Variants in TMEM181 observed in about 807,000 individuals in gnomAD.
The protein encoded by TMEM181 is transmembrane protein 181, also known as G protein-coupled receptor 178.
TMEM181 carries 39 observed loss-of-function variants against 71.9 expected under a neutral mutation model. The ratio of observed to expected loss-of-function variants is 0.54; its 90% confidence interval spans 0.42 to 0.71. The LOEUF (loss-of-function observed/expected upper bound fraction) is 0.71. Ranked by LOEUF, TMEM181 falls within the 30% of genes least tolerant of loss-of-function variation. TMEM181 has a pLI of 0.00. For missense variants in TMEM181, 595 were observed against 583.0 expected (o/e 1.02, Z -0.21); for synonymous variants, 245 against 228.8 (o/e 1.07, Z -0.64).
chr6:158,568,457 G>A (rs556328655), intron 1 of TMEM181, among the ~76,000 whole-genome samples: 1 of 152,118 alleles, frequency 6.6e-6, no homozygotes, highest in African/African-American at 2.4e-5. Flanking sequence ...TAGGACTAGA[G>A]GTTTCAGGAA....
intron 6 of TMEM181, among the ~76,000 whole-genome samples, chr6:158,603,588 GT>G (rs35319740): frequency 0.44 from 60,383 of 135,786 alleles, 12,786 homozygotes; most frequent in Non-Finnish European, 0.51. Flanking sequence ...TTTTTTTCAG[GT>G]TTTTTTTTTT....
intron 1 of TMEM181, among the ~76,000 whole-genome samples, chr6:158,566,164 C>G (rs1782479835): frequency 6.6e-6 from 1 of 152,072 alleles, no homozygotes; most frequent in African/African-American, 2.4e-5. Flanking sequence ...GCCACAGGCA[C>G]AGGACCAGGG....
intron 6 of TMEM181, among the ~76,000 whole-genome samples, chr6:158,592,964 G>C (rs1784188627): frequency 6.6e-6 from 1 of 152,090 alleles, no homozygotes; most frequent in Admixed American, 6.6e-5. Flanking sequence ...TAATATCCAG[G>C]GTTGGCGAAA....
intron 2 of TMEM181, 137 bp downstream of exon 2, chr6:158,573,660 G>A: frequency 1.4e-6 from 1 of 727,462 alleles, no homozygotes; most frequent in Non-Finnish European, 2.3e-6. Flanking sequence ...CCACAGGGTG[G>A]ATGGGGTCCC....
At chr6:158,551,900 T>C (rs1781734582) in intron 1 of TMEM181, among the ~76,000 whole-genome samples, 1 of 152,168 alleles carries the variant, frequency 6.6e-6, no homozygotes, top group Admixed American at 6.5e-5. Flanking sequence ...CAGATACAGT[T>C]TTTATGCTCT....
intron 6 of TMEM181, among the ~76,000 whole-genome samples, chr6:158,602,253 G>A (rs1285041364): frequency 6.6e-6 from 1 of 152,200 alleles, no homozygotes; most frequent in East Asian, 1.9e-4. Flanking sequence ...TGATATTCTA[G>A]TATAAATGTA....
intron 1 of TMEM181, among the ~76,000 whole-genome samples, chr6:158,545,717 G>A (rs560112547): frequency 1.1e-4 from 16 of 151,290 alleles, no homozygotes; most frequent in African/African-American, 3.4e-4. Flanking sequence ...GTCTCACTAC[G>A]TTGCCCAGGT....
chr6:158,561,830 C>G (rs1447541129), intron 1 of TMEM181, among the ~76,000 whole-genome samples: 8 of 152,090 alleles, frequency 5.3e-5, no homozygotes, highest in South Asian at 2.1e-4. Context: ...ATGAGGGTAT[C>G]TGGAAATCAG....
At chr6:158,590,230 G>T (rs898995532) in intron 6 of TMEM181, among the ~76,000 whole-genome samples, 1 of 152,122 alleles carries the variant, frequency 6.6e-6, no homozygotes, top group African/African-American at 2.4e-5. Flanking sequence ...GATGAGGAGT[G>T]GGGGTTTAGA....
Position 158,628,388 on chromosome 6 carries a change from T to G in TMEM181, c.1110-20T>G. 6.2e-7 allele frequency: 1 copy of G among 1,613,548 alleles called. No homozygotes were observed. Among genetic ancestry groups the G allele is most frequent in the Non-Finnish European group, 8.5e-7 (1 of 1,179,520 alleles). On this transcript the variant is annotated intron_variant, in intron 13 of 16. Transcript: ENST00000684151. ...TTCGTGCATGTTTACATATTGTCTC[T>G]GCTCCTCTGTCTTGTTCAGCATCGC...
At chr6:158,559,999 C>T (rs1049639659), upstream of TMEM181, 1 of 972,124 alleles carries the variant, frequency 1.0e-6, no homozygotes, top group African/African-American at 1.8e-5. Flanking sequence ...ACCCCCCTCG[C>T]CGCGCGCCCG....
chr6:158,600,511 C>T (rs1435689670), intron 6 of TMEM181, among the ~76,000 whole-genome samples: 14 of 135,196 alleles, frequency 1.0e-4, no homozygotes, highest in Non-Finnish European at 1.9e-4. Flanking sequence ...GCTCTGTCGC[C>T]CAGGCTAGAG....
At chr6:158,566,685 A>T (rs1368683337) in intron 1 of TMEM181, among the ~76,000 whole-genome samples, 1 of 133,942 alleles carries the variant, frequency 7.5e-6, no homozygotes, top group Non-Finnish European at 1.6e-5. Context: ...GGTGAAGGAG[A>T]TGATGGTGAA....
In TMEM181 at chr6:158,594,127, CAG is replaced by C. The variant is rs1562641718; in HGVS notation, c.492+4348_492+4349del. ...TTTTTTTTTTTTTTTTTTTCTGAGA[CAG>C]AGTCTGTTGCCCAGGCTGGAGTGCA... On this transcript the variant is annotated intron_variant, in intron 6 of 16. Transcript: ENST00000684151. Among the ~76,000 whole-genome samples, 11 of 125,770 alleles carry C rather than the reference CAG, an allele frequency of 8.7e-5. No individual in the cohort carries two copies. The South Asian group carries it at 2.6e-3, about 30-fold the overall frequency. The allele number at this position is 125,770 out of a possible 152,430, so 82.5% of individuals were successfully genotyped here.
intron 6 of TMEM181, among the ~76,000 whole-genome samples, chr6:158,597,800 C>T (rs576895958): frequency 7.9e-5 from 12 of 152,274 alleles, no homozygotes; most frequent in East Asian, 3.9e-4. Context: ...GCCACTGCAC[C>T]GTGCCCCTCT....
chr6:158,629,966 G>A, intron 15 of TMEM181, 147 bp downstream of exon 15: 1 of 711,996 alleles, frequency 1.4e-6, no homozygotes, highest in South Asian at 1.6e-5. Context: ...GAGTTGAAAT[G>A]TCGAGCTCTG....
At position 158,620,524 on chromosome 6, in the gene TMEM181, G is replaced by A. The variant is rs1050446982; in HGVS notation, c.897-3026G>A. ...AGGGAGAGGGAGAGAGAAAGAAGAG[G>A]GAGAAAGAGGGAGCAAGGGTTAGGG... On this transcript the variant is annotated intron_variant, in intron 10 of 16. Transcript: ENST00000684151. This position sits in a 1 kb window ranked among gnomAD's most constrained non-coding sequence, Gnocchi z 4.5. Among the ~76,000 whole-genome samples, 3 of 152,310 alleles carry A rather than the reference G, an allele frequency of 2.0e-5. No individual in the cohort carries two copies. Among genetic ancestry groups the A allele is most frequent in the Admixed American group, 6.5e-5 (1 of 15,300 alleles).
chr6:158,601,938 A>G (rs1474954469), intron 6 of TMEM181, among the ~76,000 whole-genome samples: 1 of 152,052 alleles, frequency 6.6e-6, no homozygotes, highest in Non-Finnish European at 1.5e-5. Flanking sequence ...GCCCATTACC[A>G]TCTATTGTTA....
At chr6:158,597,064 A>G (rs530287907) in intron 6 of TMEM181, among the ~76,000 whole-genome samples, 9 of 152,204 alleles carry the variant, frequency 5.9e-5, no homozygotes, top group Non-Finnish European at 1.0e-4. Context: ...TGTGCTGAGC[A>G]GATGTCTAGA....
Sources: gnomAD v4.1 joint callset for allele counts (sites outside exome capture counted in the v4.1 genomes callset) on GRCh38, gnomAD v4.1.1 for gene constraint, Gnocchi (gnomAD v3.1) non-coding constraint, MANE v1.5 for transcripts, NCBI Gene and HGNC (gene_info 2026-07-23, HGNC 2026-07-21) for gene names.